PTDSS2: variants seen among roughly 807,000 people sequenced by gnomAD.
PTDSS2 encodes PSS-2.
PTDSS2 carries 41 observed loss-of-function variants against 64.7 expected under a neutral mutation model. That is an observed-to-expected ratio of 0.63 (90% CI 0.49 to 0.82). The LOEUF (loss-of-function observed/expected upper bound fraction) is 0.82. Ranked by LOEUF, PTDSS2 falls within the 40% of genes least tolerant of loss-of-function variation. The pLI is 0.00. For synonymous variants in PTDSS2, 297 were observed against 277.8 expected (o/e 1.07, Z -0.69); for missense variants, 485 against 650.0 (o/e 0.75, Z 2.76).
rs946187904 is a variant in PTDSS2 at position 489,584 on chromosome 11, C to T, written c.970-4C>T. The stretch of plus-strand genomic sequence containing the variant: ...GAGCTGGTGCTCACCCTCTCCTCCC[C>T]TAGTTCCTGTTGGCAGAACTGAACA... On this transcript the variant is annotated splice_region_variant and splice_polypyrimidine_tract_variant and intron_variant, in intron 9 of 11. Coordinates refer to ENST00000308020, the MANE Select transcript of PTDSS2 (RefSeq NM_030783.3). 6.2e-7 allele frequency: 1 copy of T among 1,604,036 alleles called. No individual in the cohort carries two copies. The highest frequency in any genetic ancestry group is 8.5e-7 in the Non-Finnish European group (1 of 1,175,304).
At chr11:487,249 GCT>G in intron 5 of PTDSS2, 169 bp from the exon 6 acceptor site, 1 of 917,358 alleles carries the variant, frequency 1.1e-6, no homozygotes, top group Admixed American at 2.2e-5. Flanking sequence ...GGGGGCCCCT[GCT>G]CTCTAGGCTG....
intron 1 of PTDSS2, among the ~76,000 whole-genome samples, chr11:453,534 GTGACCTC>G (rs1243047057): frequency 3.3e-5 from 5 of 152,208 alleles, no homozygotes; most frequent in Non-Finnish European, 5.9e-5. Context: ...TATGTGTGAG[GTGACCTC>G]TGACCTTCAG....
chr11:489,958 G>T lies in PTDSS2; in HGVS notation c.1191G>T (p.Val397=). The T allele has an allele frequency of 6.2e-7, 1 of 1,611,608 alleles. No individual in the cohort carries two copies. The highest frequency in any genetic ancestry group is 8.5e-7 in the Non-Finnish European group (1 of 1,179,812). ...AITATELLIV[V]KYDPHTLTLS... ...CGGCCACGGAGCTGCTCATCGTGGT[G>T]AAGTACGACCCCCACACGCTCACCC... The change falls in exon 11 of 12, where the codon GTG becomes GTT. Residue 397 remains valine, a synonymous_variant. Coordinates refer to ENST00000308020, the MANE Select transcript of PTDSS2 (RefSeq NM_030783.3).
intron 1 of PTDSS2, among the ~76,000 whole-genome samples, chr11:450,882 G>A (rs1417273523): frequency 6.6e-6 from 1 of 151,946 alleles, no homozygotes; most frequent in Non-Finnish European, 1.5e-5. Flanking sequence ...GACCCTCCCT[G>A]CGGCCGCTTT....
chr11:481,983 C>T (rs927398147), intron 4 of PTDSS2, among the ~76,000 whole-genome samples: 5 of 151,230 alleles, frequency 3.3e-5, no homozygotes, highest in African/African-American at 1.2e-4. Flanking sequence ...GCTGGGATTA[C>T]AGGCATGCAC....
chr11:450,366 C>T lies in PTDSS2; in HGVS notation c.-90C>T. On this transcript the variant is annotated 5_prime_UTR_variant, in exon 1 of 12. Coordinates refer to ENST00000308020, the MANE Select transcript of PTDSS2 (RefSeq NM_030783.3). ...AGCGCCGCGACCCCTTCCCAGCGCTCCTCGCGCTGTGTGCGGCGCGTCCTC... is the reference window on the plus strand; with the variant it reads ...AGCGCCGCGACCCCTTCCCAGCGCTTCTCGCGCTGTGTGCGGCGCGTCCTC... 1.8e-6 allele frequency: 2 copies of T among 1,138,614 alleles called. No individual in the cohort carries two copies. The highest frequency in any genetic ancestry group is 3.2e-5 in the African/African-American group (2 of 62,210). 70.5% of individuals were successfully genotyped at this position (1,138,614 alleles called of 1,614,324 possible).
chr11:485,977 C>T (rs1216898586), intron 4 of PTDSS2, among the ~76,000 whole-genome samples: 3 of 119,168 alleles, frequency 2.5e-5, no homozygotes, highest in African/African-American at 1.0e-4. Context: ...GTGTGCTCAC[C>T]GTGCGCGCAG....
chr11:485,693 G>A (rs185747774), intron 4 of PTDSS2, among the ~76,000 whole-genome samples: 1 of 140,466 alleles, frequency 7.1e-6, no homozygotes, highest in Non-Finnish European at 1.6e-5. Flanking sequence ...GGGCGCGTGT[G>A]TGCTCACTGC....
At chr11:477,423 G>A (rs933624698) in intron 3 of PTDSS2, among the ~76,000 whole-genome samples, 3 of 152,206 alleles carry the variant, frequency 2.0e-5, no homozygotes, top group Admixed American at 6.5e-5. Context: ...GGGTGGCCCT[G>A]GGGTCAGGGA....
chr11:464,390 C>T (rs1847047777), intron 2 of PTDSS2, among the ~76,000 whole-genome samples: 1 of 152,252 alleles, frequency 6.6e-6, no homozygotes, highest in Admixed American at 6.5e-5. Flanking sequence ...GCCCCGTGTG[C>T]CCACCACTGC....
chr11:453,781 G>A (rs922155009), intron 1 of PTDSS2, among the ~76,000 whole-genome samples: 1 of 152,212 alleles, frequency 6.6e-6, no homozygotes, highest in Non-Finnish European at 1.5e-5. Flanking sequence ...TTTCCTCTTG[G>A]TCTCGGCCTC....
chr11:471,646 GAC>G (rs1280823736), intron 2 of PTDSS2, among the ~76,000 whole-genome samples: 9 of 151,562 alleles, frequency 5.9e-5, no homozygotes, highest in Non-Finnish European at 8.9e-5. Context: ...GGCCTGGGGT[GAC>G]ACGCACCTGT....
chr11:472,480 G>A (rs992099766), intron 2 of PTDSS2, among the ~76,000 whole-genome samples: 2 of 152,316 alleles, frequency 1.3e-5, no homozygotes, highest in South Asian at 2.1e-4. Flanking sequence ...GGTGGAGACC[G>A]GGTCAGAAAC....
Position 473,983 on chromosome 11 carries a change from T to C in PTDSS2, c.367+6T>C, listed in dbSNP as rs1438832614. 6.2e-7 allele frequency: 1 copy of C among 1,611,390 alleles called. No homozygotes were observed. On this transcript the variant is annotated splice_donor_region_variant and intron_variant, in intron 3 of 11. Transcript: ENST00000308020. ...ATTTTCCAGACCTCATCCAGGTAAC[T>C]TGCCATTTCCTTTTCCGTGTGCCCC...
rs1277082082 is a variant in PTDSS2 at position 451,121 on chromosome 11, G to A, written c.182+484G>A. 3.9e-5 allele frequency among the ~76,000 whole-genome samples: 6 copies of A among 152,346 alleles called. No individual in the cohort carries two copies. In the East Asian group the frequency reaches 9.6e-4, roughly 24 times the overall value. On this transcript the variant is annotated intron_variant, in intron 1 of 11. Coordinates refer to ENST00000308020, the MANE Select transcript of PTDSS2 (RefSeq NM_030783.3). Reference sequence around the variant, plus strand: ...TGTGTCGCGCCCGACCCCACGTGGCGATCGTGTTGATTAGCAGAGTGTTGT... The same window carrying A: ...TGTGTCGCGCCCGACCCCACGTGGCAATCGTGTTGATTAGCAGAGTGTTGT...
chr11:486,612 G>T (rs1193113687), intron 4 of PTDSS2, among the ~76,000 whole-genome samples: 1 of 152,170 alleles, frequency 6.6e-6, no homozygotes, highest in African/African-American at 2.4e-5. Flanking sequence ...GGAGGCCGAA[G>T]TGGGCGGATC....
chr11:490,112 T>C (rs957447376), intron 11 of PTDSS2, 44 bp downstream of exon 11: 4 of 1,552,120 alleles, frequency 2.6e-6, no homozygotes, highest in Non-Finnish European at 3.5e-6. Context: ...AGGGCCGCTG[T>C]CCGGGTCCCT....
chr11:490,524 A>G lies in PTDSS2; in HGVS notation c.1406A>G (p.Asp469Gly). 3.7e-6 allele frequency: 6 copies of G among 1,612,786 alleles called. No individual in the cohort carries two copies. The highest frequency in any genetic ancestry group is 5.1e-6 in the Non-Finnish European group (6 of 1,179,764). Reference sequence around the variant, plus strand: ...GGGGACCAGCACCCACTGGGGCTGGACGAAGACCTGCTGGGGCCTGGGGTG... The same window carrying G: ...GGGGACCAGCACCCACTGGGGCTGGGCGAAGACCTGCTGGGGCCTGGGGTG... ...GNGDQHPLGL[D>G]EDLLGPGVAE... The change falls in exon 12 of 12, where the codon GAC (aspartate) becomes GGC (glycine). Residue 469 changes from aspartate to glycine, a missense_variant. By Grantham distance (94) the Asp-to-Gly change is moderately conservative. Transcript: ENST00000308020.
At chr11:481,526 A>G (rs1246818237) in intron 4 of PTDSS2, among the ~76,000 whole-genome samples, 1 of 152,204 alleles carries the variant, frequency 6.6e-6, no homozygotes, top group South Asian at 2.1e-4. Context: ...AATTTCTTCC[A>G]ACAATGTGTT....
Sources: allele counts gnomAD v4.1 joint callset (sites outside exome capture counted in the v4.1 genomes callset), GRCh38; gene constraint gnomAD v4.1.1; transcripts MANE v1.5; gene names NCBI Gene and HGNC (gene_info 2026-07-23, HGNC 2026-07-21).